Variants in EVC2 observed in about 807,000 individuals in gnomAD.
EVC2 encodes limbin.
A neutral mutation model predicts 149.3 loss-of-function variants in EVC2; 148 were observed. That is an observed-to-expected ratio of 0.99 (90% CI 0.87 to 1.14). The LOEUF is 1.14. Ranked by LOEUF, EVC2 falls within the 50% of genes most tolerant of loss-of-function variation. EVC2 has a pLI of 0.00. For synonymous variants in EVC2, 776 were observed against 649.9 expected, an observed-to-expected ratio of 1.19 and a Z score of -2.95; for missense variants, 1,854 against 1,627.3, an observed-to-expected ratio of 1.14 and a Z score of -2.40.
chr4:5,574,439 C>G (rs1048905109), intron 19 of EVC2, among the ~76,000 whole-genome samples: 1 of 152,190 alleles, frequency 6.6e-6, no homozygotes, highest in African/African-American at 2.4e-5. Flanking sequence ...ATTTGGGTGC[C>G]TGCCAAATCA....
intron 1 of EVC2, among the ~76,000 whole-genome samples, chr4:5,699,977 C>T (rs1258831672): frequency 6.6e-6 from 1 of 151,666 alleles, no homozygotes; most frequent in Non-Finnish European, 1.5e-5. Flanking sequence ...CCTGCCTCTA[C>T]TAAAAATACA....
At chr4:5,648,852 C>A (rs1299464460) in intron 9 of EVC2, among the ~76,000 whole-genome samples, 1 of 152,160 alleles carries the variant, frequency 6.6e-6, no homozygotes, top group Non-Finnish European at 1.5e-5. Context: ...AAATGTCCCT[C>A]TACGTCGATT....
intron 9 of EVC2, among the ~76,000 whole-genome samples, chr4:5,660,516 G>A (rs1479738718): frequency 6.6e-6 from 1 of 152,138 alleles, no homozygotes. Flanking sequence ...TGGACCCAGG[G>A]AGATAGGATC....
chr4:5,602,291 T>TAAAAAAAAAAAAAA (rs571933194), intron 16 of EVC2, among the ~76,000 whole-genome samples: 3 of 81,710 alleles, frequency 3.7e-5, no homozygotes, highest in African/African-American at 5.0e-5. Flanking sequence ...CATTGCCTCT[T>TAAAAAAAAAAAAAA]AAAAAAAAAA....
intron 6 of EVC2, among the ~76,000 whole-genome samples, chr4:5,684,572 AC>A (rs201772665): frequency 2.5e-4 from 17 of 67,112 alleles, no homozygotes; most frequent in East Asian, 5.6e-4. Context: ...TCCAGCCTGT[AC>A]CCGGGGTGTG....
chr4:5,612,663 C>T (rs1714923060), intron 16 of EVC2, among the ~76,000 whole-genome samples: 1 of 152,136 alleles, frequency 6.6e-6, no homozygotes, highest in Admixed American at 6.5e-5. Context: ...TGGCTCACGC[C>T]TATAATCCCA....
chr4:5,564,515 C>T (rs1337068801), intron 21 of EVC2, among the ~76,000 whole-genome samples: 4 of 152,236 alleles, frequency 2.6e-5, no homozygotes, highest in African/African-American at 9.6e-5. Context: ...GCACCTTCAA[C>T]TGAGCTCTGA....
chr4:5,658,346 T>C (rs1025831825), intron 9 of EVC2, among the ~76,000 whole-genome samples: 5 of 152,202 alleles, frequency 3.3e-5, no homozygotes, highest in African/African-American at 7.2e-5. Flanking sequence ...GGGCTTCAAG[T>C]TTTTAGAGAT....
intron 2 of EVC2, among the ~76,000 whole-genome samples, chr4:5,695,982 G>A (rs1721450564): frequency 6.6e-6 from 1 of 152,136 alleles, no homozygotes; most frequent in African/African-American, 2.4e-5. Context: ...TCCTCAGGTT[G>A]GGATGGGATA....
At chr4:5,620,001 T>C (rs1715565072) in intron 14 of EVC2, among the ~76,000 whole-genome samples, 1 of 152,106 alleles carries the variant, frequency 6.6e-6, no homozygotes, top group East Asian at 1.9e-4. Flanking sequence ...CAGATCTCAG[T>C]GTGGGAATGT....
At chr4:5,555,156 T>A (rs1368867152) in intron 21 of EVC2, among the ~76,000 whole-genome samples, 1 of 151,854 alleles carries the variant, frequency 6.6e-6, no homozygotes, top group African/African-American at 2.4e-5. Context: ...TCATTTTAAG[T>A]ATAATTGATA....
At chr4:5,550,681 G>A (rs567241016) in intron 21 of EVC2, among the ~76,000 whole-genome samples, 1 of 152,354 alleles carries the variant, frequency 6.6e-6, no homozygotes, top group South Asian at 2.1e-4. Flanking sequence ...GGAGCCCAAT[G>A]TTAATCCCCA....
chr4:5,625,732 C>T lies in EVC2; in HGVS notation c.2046+17G>A. The T allele has an allele frequency of 6.2e-7, 1 of 1,614,084 alleles. No individual in the cohort carries two copies. The highest frequency in any genetic ancestry group is 8.5e-7 in the Non-Finnish European group (1 of 1,180,034). On this transcript the variant is annotated intron_variant, in intron 13 of 21. Transcript: ENST00000344408. The surrounding 1 kb of genome is among the most constrained non-coding windows in gnomAD (Gnocchi z 4.0). ...AAGTGCCTATGCAAAGAATAAATAGCATCATGCCTTATATACCTTTTGTAG... is the reference window on the plus strand; with the variant it reads ...AAGTGCCTATGCAAAGAATAAATAGTATCATGCCTTATATACCTTTTGTAG...
At position 5,565,347 on chromosome 4, in the gene EVC2, G is replaced by A. The variant is rs763892029; in HGVS notation, c.3570C>T (p.Ser1190=). Residue 1190 remains serine, a synonymous_variant, in exon 21 of 22, where the codon AGC becomes AGT. Transcript: ENST00000344408. ...ADVGRRRKHQ[S]WWQALDGKLR... ...GTTTGCCATCTAAGGCTTGCCACCA[G>A]CTCTGGTGTTTCCTGCAGGCAAGAA... is the stretch of plus-strand genomic sequence containing the variant. The A allele has an allele frequency of 1.2e-6, 2 of 1,614,052 alleles. No homozygotes were observed.
At chr4:5,630,098 G>A (rs1292494340) in intron 11 of EVC2, among the ~76,000 whole-genome samples, 2 of 152,234 alleles carry the variant, frequency 1.3e-5, no homozygotes, top group Non-Finnish European at 2.9e-5. Flanking sequence ...CTATGAATAT[G>A]ACAGAATTTG....
chr4:5,616,273 G>A (rs11929929), intron 15 of EVC2, among the ~76,000 whole-genome samples: 18,097 of 152,206 alleles, frequency 0.12, 2,173 homozygotes, highest in African/African-American at 0.31. Flanking sequence ...GGTCATGTTG[G>A]AACTTGGATC....
Position 5,542,808 on chromosome 4 carries a change from C to T in EVC2, c.*187G>A, listed in dbSNP as rs115737572. 3.1e-3 allele frequency: 667 copies of T among 217,764 alleles called. 5 individuals carry two copies. Among genetic ancestry groups the T allele is most frequent in the African/African-American group, 0.014 (611 of 43,392 alleles). The allele number at this position is 217,764 out of a possible 1,614,324, so 13.5% of individuals were successfully genotyped here. A position where few individuals can be genotyped will look rare whatever the true frequency, so the allele number is the denominator to read the frequency against. On this transcript the variant is annotated 3_prime_UTR_variant and NMD_transcript_variant, in exon 23 of 23. Coordinates refer to the EVC2 transcript ENST00000475313. The stretch of plus-strand genomic sequence containing the variant: ...AGGATTGGCTCCTCCAAGTCATCCT[C>T]GTCATGAGGGCCATGACATTGTGTC...
chr4:5,700,448 C>A (rs1429191518), intron 1 of EVC2, among the ~76,000 whole-genome samples: 1 of 152,204 alleles, frequency 6.6e-6, no homozygotes, highest in African/African-American at 2.4e-5. Flanking sequence ...GCTTGTTAGG[C>A]ACTGTGCTAG....
the EVC2 span, among the ~76,000 whole-genome samples, chr4:5,534,703 G>C: frequency 6.6e-6 from 1 of 151,652 alleles, no homozygotes. Context: ...ATGCAATTGC[G>C]TTGAGTGATG....
Sources: allele counts gnomAD v4.1 joint callset (sites outside exome capture counted in the v4.1 genomes callset), GRCh38; gene constraint gnomAD v4.1.1; non-coding constraint Gnocchi (gnomAD v3.1); transcripts MANE v1.5; gene names NCBI Gene and HGNC (gene_info 2026-07-23, HGNC 2026-07-21).